The following CNKSR1 variants were observed in gnomAD, a reference collection of about 807,000 sequenced individuals.
The protein encoded by CNKSR1 is CNK homolog protein 1.
In CNKSR1, 88 loss-of-function variants were observed where a neutral mutation model predicts 95.6. That is an observed-to-expected ratio of 0.92 (90% confidence interval 0.78 to 1.10). CNKSR1 has a LOEUF of 1.10. Among genes scored for constraint, CNKSR1 ranks in the 50% least tolerant of loss-of-function variants. CNKSR1 has a pLI of 0.00. For synonymous variants in CNKSR1, 355 were observed against 369.7 expected (o/e 0.96, Z 0.46); for missense variants, 836 against 912.0 (o/e 0.92, Z 1.07).
chr1:26,181,342 T>C (rs2088643930), intron 3 of CNKSR1, among the ~76,000 whole-genome samples: 1 of 149,202 alleles, frequency 6.7e-6, no homozygotes, highest in Non-Finnish European at 1.5e-5. Flanking sequence ...AATCCACCTG[T>C]GCAGGGGCAC....
At position 26,185,071 on chromosome 1, in the gene CNKSR1, A is replaced by T. The variant is rs905085205; in HGVS notation, c.1193A>T (p.Asp398Val). ...TCATGCCGTGAGCTGGGCCGGCCGG[A>T]CTGTGACGGCTGGCTCCTGTTGCGA... ...RVSCRELGRP[D>V]CDGWLLLRKA... Residue 398 changes from aspartate to valine, a missense_variant, in exon 14 of 21, where the codon GAC becomes GTC. By Grantham distance (152) the Asp-to-Val change is radical. Transcript: ENST00000361530. The T allele has an allele frequency of 6.2e-7, 1 of 1,605,758 alleles. No homozygotes were observed. Among genetic ancestry groups the T allele is most frequent in the African/African-American group, 1.3e-5 (1 of 74,980 alleles).
Position 26,180,873 on chromosome 1 carries a change from C to G in CNKSR1, c.369C>G (p.Asp123Glu), listed in dbSNP as rs113096800. The change falls in exon 3 of 21, where the codon GAC (aspartate) becomes GAG (glutamate). Residue 123 changes from aspartate to glutamate, a missense_variant. Physicochemically the swap from Asp to Glu is conservative, Grantham distance 45. Coordinates refer to ENST00000361530, the MANE Select transcript of CNKSR1 (RefSeq NM_006314.3). ...CAAVELLHEA[D>E]ALLFWLSRYL... is the part of the protein sequence containing the mutation. ...CTGTGGAGCTGTTGCATGAAGCTGA[C>G]GCCCTCCTCTTCTGGCTCAGCAGGT... 1.2e-6 allele frequency: 2 copies of G among 1,614,110 alleles called. No individual in the cohort carries two copies. The highest frequency in any genetic ancestry group is 2.7e-5 in the African/African-American group (2 of 74,936).
At chr1:26,187,390 T>C (rs1413402651) in intron 15 of CNKSR1, 21 bp from the exon 16 acceptor site, 28 of 1,613,904 alleles carry the variant, frequency 1.7e-5, no homozygotes, top group Non-Finnish European at 2.4e-5. Flanking sequence ...GGCTGAGTGA[T>C]GCTCCTCCAC....
intron 4 of CNKSR1, 77 bp from the exon 5 acceptor site, chr1:26,182,284 A>G: frequency 6.9e-7 from 1 of 1,454,802 alleles, no homozygotes; most frequent in South Asian, 1.1e-5. Context: ...ACGGAATCCC[A>G]CCCTGCCCCC....
At chr1:26,178,506 G>A (rs1488810509) in intron 1 of CNKSR1, among the ~76,000 whole-genome samples, 3 of 152,174 alleles carry the variant, frequency 2.0e-5, no homozygotes, top group Non-Finnish European at 4.4e-5. Flanking sequence ...AGAGAAGGAA[G>A]GGCCTCCTGA....
At chr1:26,182,446 G>A (rs770077662) in intron 5 of CNKSR1, 34 bp from the exon 6 acceptor site, 1 of 1,613,796 alleles carries the variant, frequency 6.2e-7, no homozygotes, top group Non-Finnish European at 8.5e-7. Flanking sequence ...GGGGCGATCG[G>A]GCTCAGGCTA....
At chr1:26,180,025 A>C in intron 1 of CNKSR1, 1 of 247,384 alleles carries the variant, frequency 4.0e-6, no homozygotes, top group South Asian at 4.7e-5. Context: ...AGTCCCAGCT[A>C]CTTGGGAGGC....
chr1:26,180,475 C>T lies in CNKSR1; in HGVS notation c.75C>T (p.Asp25=). ...WLRGLDDSLQ[D]YPFEDWQLPG... ...CAGGTCTTGACGACTCCCTGCAGGACTATCCCTTTGAGGACTGGCAGCTGC... is the reference window on the plus strand; with the variant it reads ...CAGGTCTTGACGACTCCCTGCAGGATTATCCCTTTGAGGACTGGCAGCTGC... The change falls in exon 2 of 21, where the codon GAC becomes GAT. Residue 25 remains aspartate, a synonymous_variant. Coordinates refer to ENST00000361530, the MANE Select transcript of CNKSR1 (RefSeq NM_006314.3). The T allele has an allele frequency of 6.2e-7, 1 of 1,614,146 alleles. No homozygotes were observed. Among genetic ancestry groups the T allele is most frequent in the Non-Finnish European group, 8.5e-7 (1 of 1,180,052 alleles).
At position 26,177,609 on chromosome 1, in the gene CNKSR1, G is replaced by C. The variant is rs754822596; in HGVS notation, c.52+10G>C. 4 of 1,613,892 alleles carry C rather than the reference G, an allele frequency of 2.5e-6. No individual in the cohort carries two copies. In the African/African-American group the frequency reaches 4.0e-5, roughly 16 times the overall value. ...GCAACTTGGCTGAGAGGTGGGTGGG[G>C]CTGGGGTAGAGTTGGGCTTGAAGGG... On this transcript the variant is annotated intron_variant, in intron 1 of 20. Transcript: ENST00000361530.
intron 14 of CNKSR1, among the ~76,000 whole-genome samples, chr1:26,186,229 TCAGG>T (rs1444321004): frequency 1.3e-5 from 2 of 152,228 alleles, no homozygotes; most frequent in East Asian, 3.8e-4. Flanking sequence ...TTCAGAAAGC[TCAGG>T]GGTGTGAAGC....
At position 26,185,201 on chromosome 1, in the gene CNKSR1, A is replaced by C; in HGVS notation, c.1308+15A>C. ...GCCAGCCCCAGGTAAGACCCCATAC[A>C]CAAAAACAGGTAGGCAAGTGAGTCA... On this transcript the variant is annotated intron_variant, in intron 14 of 20. Transcript: ENST00000361530. 6.4e-7 allele frequency: 1 copy of C among 1,550,970 alleles called. No individual in the cohort carries two copies. The highest frequency in any genetic ancestry group is 8.7e-7 in the Non-Finnish European group (1 of 1,147,160).
chr1:26,178,583 G>GA (rs543479005), intron 1 of CNKSR1, among the ~76,000 whole-genome samples: 107 of 152,302 alleles, frequency 7.0e-4, no homozygotes, highest in African/African-American at 2.3e-3. Context: ...GAGCGCACTA[G>GA]AGACAGGCTC....
In CNKSR1 at chr1:26,180,903, G is replaced by A. The variant is rs74447837; in HGVS notation, c.392+7G>A. 19,121 of 1,614,096 alleles carry A rather than the reference G, an allele frequency of 0.012. 207 individuals are homozygous for A. Among genetic ancestry groups the A allele is most frequent in the African/African-American group, 0.048 (3,634 of 75,010 alleles). On this transcript the variant is annotated splice_region_variant and intron_variant, in intron 3 of 20. Transcript: ENST00000361530. ...TCCTCTTCTGGCTCAGCAGGTACCC[G>A]GGTTGGGGTGACGAGTGAGGGACTA...
At chr1:26,183,496 G>A in intron 8 of CNKSR1, 82 bp downstream of exon 8, 1 of 1,466,484 alleles carries the variant, frequency 6.8e-7, no homozygotes. Flanking sequence ...GGCAACCAAG[G>A]GTTCTGACCA....
chr1:26,180,639 AGCTTCCAC>A, intron 2 of CNKSR1, 29 bp downstream of exon 2: 11 of 1,614,140 alleles, frequency 6.8e-6, no homozygotes, highest in Non-Finnish European at 7.6e-6. Context: ...CACTGGCTGC[AGCTTCCAC>A]CAACCTGGGG....
chr1:26,182,735 C>A, intron 6 of CNKSR1, 151 bp downstream of exon 6: 1 of 771,684 alleles, frequency 1.3e-6, no homozygotes, highest in Non-Finnish European at 2.2e-6. Flanking sequence ...AGAGGATTGG[C>A]CAGGGTCTCC....
chr1:26,185,538 G>T (rs921355522), intron 14 of CNKSR1, among the ~76,000 whole-genome samples: 3 of 151,292 alleles, frequency 2.0e-5, no homozygotes, highest in Admixed American at 2.0e-4. Context: ...AACTACAGGC[G>T]CCCGCCACAA....
At chr1:26,180,353 G>A in intron 1 of CNKSR1, 100 bp from the exon 2 acceptor site, 1 of 1,435,418 alleles carries the variant, frequency 7.0e-7, no homozygotes, top group Non-Finnish European at 9.8e-7. Flanking sequence ...GTTGTCATTA[G>A]GGTTAGACTA....
intron 1 of CNKSR1, 110 bp downstream of exon 1, chr1:26,177,709 T>C (rs889974859): frequency 3.1e-5 from 39 of 1,245,102 alleles, no homozygotes; most frequent in Non-Finnish European, 4.3e-5. Flanking sequence ...GGTGCGCTGG[T>C]TCACACCTGT....
Sources: allele counts gnomAD v4.1 joint callset (sites outside exome capture counted in the v4.1 genomes callset), GRCh38; gene constraint gnomAD v4.1.1; transcripts MANE v1.5; gene names NCBI Gene and HGNC (gene_info 2026-07-23, HGNC 2026-07-21).